The following CTNNBL1 variants were observed in gnomAD, a reference collection of about 807,000 sequenced individuals.
The protein encoded by CTNNBL1 is catenin beta like 1, also known as beta-catenin-like protein 1.
In CTNNBL1, 31 loss-of-function variants were observed where a neutral mutation model predicts 72.7. The ratio of observed to expected loss-of-function variants is 0.43; its 90% CI spans 0.32 to 0.58. The LOEUF (loss-of-function observed/expected upper bound fraction) is 0.58, where lower values mean the gene tolerates loss of function less well. CTNNBL1 is among the 20% of genes least tolerant of loss of function. The pLI, the probability that CTNNBL1 is intolerant of heterozygous loss-of-function variation, is 0.08. For missense variants in CTNNBL1, 534 were observed against 725.1 expected, an observed-to-expected ratio of 0.74 and a Z score of 3.03; for synonymous variants, 240 against 267.3, an observed-to-expected ratio of 0.90 and a Z score of 1.00.
At chr20:37,733,100 GGCTGGC>G (rs1178614941) in intron 2 of CTNNBL1, 33 bp downstream of exon 2, 2 of 1,595,822 alleles carry the variant, frequency 1.3e-6, no homozygotes, top group Non-Finnish European at 1.7e-6. Flanking sequence ...GAGCTGAGAT[GGCTGGC>G]CCTGTAAAAC....
At chr20:37,713,332 A>AT (rs953749670) in intron 1 of CTNNBL1, among the ~76,000 whole-genome samples, 4 of 151,928 alleles carry the variant, frequency 2.6e-5, no homozygotes, top group African/African-American at 7.3e-5. Context: ...TAAATTGGTA[A>AT]TTTTTTCCCC....
At chr20:37,842,292 T>TGC in intron 12 of CTNNBL1, 47 bp from the exon 13 acceptor site, 1 of 1,316,436 alleles carries the variant, frequency 7.6e-7, no homozygotes, top group Admixed American at 1.7e-5. Context: ...TCTCTTGCTG[T>TGC]GCGTTGTCTT....
chr20:37,774,308 G>A (rs1052768890), intron 7 of CTNNBL1, among the ~76,000 whole-genome samples: 2 of 152,088 alleles, frequency 1.3e-5, no homozygotes, highest in Admixed American at 1.3e-4. Flanking sequence ...GAGAGGAAAT[G>A]GTGTTGCCCA....
At chr20:37,857,226 G>A (rs1447737183) in intron 13 of CTNNBL1, among the ~76,000 whole-genome samples, 1 of 152,194 alleles carries the variant, frequency 6.6e-6, no homozygotes, top group Non-Finnish European at 1.5e-5. Context: ...TTGGACATGA[G>A]TCCAGTGCTC....
chr20:37,721,661 C>G (rs747021093), intron 1 of CTNNBL1, among the ~76,000 whole-genome samples: 1 of 152,238 alleles, frequency 6.6e-6, no homozygotes, highest in Non-Finnish European at 1.5e-5. Flanking sequence ...ATACTCCTCT[C>G]TAATCCAGTT....
At chr20:37,730,760 G>A (rs186646352) in intron 1 of CTNNBL1, among the ~76,000 whole-genome samples, 1,590 of 152,256 alleles carry the variant, frequency 0.01, 34 homozygotes, top group African/African-American at 0.037. Context: ...GAGGATTGCT[G>A]GAGCCCAGAA....
chr20:37,776,881 CTACTTTGTGA>C (rs1404664328), intron 7 of CTNNBL1, among the ~76,000 whole-genome samples: 4 of 152,130 alleles, frequency 2.6e-5, no homozygotes, highest in Non-Finnish European at 5.9e-5. Flanking sequence ...CCAGAAGGAA[CTACTTTGTGA>C]TAAATACATT....
chr20:37,857,363 G>A (rs985686129), intron 13 of CTNNBL1, among the ~76,000 whole-genome samples: 1 of 152,196 alleles, frequency 6.6e-6, no homozygotes, highest in African/African-American at 2.4e-5. Context: ...AGGCCAAAGA[G>A]GGTTCAGGTT....
chr20:37,849,327 C>G (rs963739343), intron 13 of CTNNBL1, among the ~76,000 whole-genome samples: 1 of 152,220 alleles, frequency 6.6e-6, no homozygotes, highest in African/African-American at 2.4e-5. Context: ...GCATCGCCCT[C>G]GGGATGCAGT....
chr20:37,765,212 G>T lies in CTNNBL1; in HGVS notation c.580G>T (p.Val194Leu), dbSNP rs1467880959. The change falls in exon 6 of 16, where the codon GTA (valine) becomes TTA (leucine). Residue 194 changes from valine to leucine, a missense_variant. Transcript: ENST00000361383. ...ATTCTTGCAGGTGGATGGGCAGGTGGTAGCACTGCTGGTACAGAATCTGGA... is the reference window on the plus strand; with the variant it reads ...ATTCTTGCAGGTGGATGGGCAGGTGTTAGCACTGCTGGTACAGAATCTGGA... Reference protein sequence around the residue: ...LIDALVDGQVVALLVQNLERL... With the variant: ...LIDALVDGQVLALLVQNLERL... 3 of 1,551,252 alleles carry T rather than the reference G, an allele frequency of 1.9e-6. No homozygotes were observed. In the African/African-American group the frequency reaches 4.1e-5, roughly 21 times the overall value.
intron 10 of CTNNBL1, among the ~76,000 whole-genome samples, chr20:37,787,080 A>G (rs1272464549): frequency 7.2e-6 from 1 of 138,236 alleles, no homozygotes; most frequent in Non-Finnish European, 1.6e-5. Context: ...ATGGTTGTGG[A>G]TTTTTTTTTT....
At chr20:37,762,404 C>T (rs1456661115) in intron 5 of CTNNBL1, among the ~76,000 whole-genome samples, 4 of 152,164 alleles carry the variant, frequency 2.6e-5, no homozygotes, top group African/African-American at 4.8e-5. Context: ...TTATTTCCTC[C>T]TCTTCTCTTA....
chr20:37,700,871 C>A (rs2072835218), intron 1 of CTNNBL1, among the ~76,000 whole-genome samples: 2 of 152,184 alleles, frequency 1.3e-5, no homozygotes, highest in South Asian at 2.1e-4. Context: ...ATTGCAGACA[C>A]CCACTCCTCT....
At chr20:37,747,876 AT>A in intron 4 of CTNNBL1, among the ~76,000 whole-genome samples, 1 of 152,342 alleles carries the variant, frequency 6.6e-6, no homozygotes, top group South Asian at 2.1e-4. Context: ...AAAGGAGTGT[AT>A]AAGTGCTGAG....
chr20:37,777,648 C>T lies in CTNNBL1; in HGVS notation c.824-6C>T, dbSNP rs771986280. On this transcript the variant is annotated splice_region_variant and splice_polypyrimidine_tract_variant and intron_variant, in intron 8 of 15. Coordinates refer to ENST00000361383, the MANE Select transcript of CTNNBL1 (RefSeq NM_030877.5). ...TTTTTTCTTCCTCTATTTTTTTCCC[C>T]TTTAGAAAACAGGGAATTGCTTGGG... The T allele has an allele frequency of 1.2e-5, 20 of 1,613,204 alleles. No individual in the cohort carries two copies. In the South Asian group the frequency reaches 2.2e-4, roughly 18 times the overall value.
At chr20:37,741,712 T>TA (rs1233333683) in intron 3 of CTNNBL1, among the ~76,000 whole-genome samples, 1 of 152,240 alleles carries the variant, frequency 6.6e-6, no homozygotes, top group African/African-American at 2.4e-5. Flanking sequence ...GCCACACCTC[T>TA]AGTAAATAGC....
Position 37,777,680 on chromosome 20 carries a change from G to T in CTNNBL1, c.850G>T (p.Asp284Tyr). 5 of 1,613,788 alleles carry T rather than the reference G, an allele frequency of 3.1e-6. No homozygotes were observed. The highest frequency in any genetic ancestry group is 1.3e-5 in the African/African-American group (1 of 75,002). The change falls in exon 9 of 16, where the codon GAT (aspartate) becomes TAT (tyrosine). Residue 284 changes from aspartate (D) to tyrosine (Y), a missense_variant. Transcript: ENST00000361383. Reference sequence around the variant, plus strand: ...AAACAGGGAATTGCTTGGGGAGCTGGATGGAATCGATGTGCTTCTTCAGCA... The same window carrying T: ...AAACAGGGAATTGCTTGGGGAGCTGTATGGAATCGATGTGCTTCTTCAGCA... ...DENRELLGEL[D>Y]GIDVLLQQLS...
intron 4 of CTNNBL1, among the ~76,000 whole-genome samples, chr20:37,753,999 G>A (rs918352431): frequency 1.3e-5 from 2 of 152,192 alleles, no homozygotes; most frequent in African/African-American, 4.8e-5. Context: ...TACATGGCTG[G>A]TGATAATTTT....
At chr20:37,706,803 T>C (rs2072889622) in intron 1 of CTNNBL1, among the ~76,000 whole-genome samples, 1 of 152,230 alleles carries the variant, frequency 6.6e-6, no homozygotes. Flanking sequence ...AGAATCACTA[T>C]CCATGGCAGC....
Sources: allele counts gnomAD v4.1 joint callset (sites outside exome capture counted in the v4.1 genomes callset), GRCh38; gene constraint gnomAD v4.1.1; transcripts MANE v1.5; gene names NCBI Gene and HGNC (gene_info 2026-07-23, HGNC 2026-07-21).